HOMER2: variants seen among roughly 807,000 people sequenced by gnomAD.
HOMER2 encodes the protein homer protein homolog 2.
HOMER2 carries 27 observed loss-of-function variants against 47.0 expected under a neutral mutation model. The ratio of observed to expected loss-of-function variants is 0.57; its 90% CI spans 0.42 to 0.79. HOMER2 has a LOEUF of 0.79. HOMER2 is among the 30% of genes least tolerant of loss of function. HOMER2 has a pLI of 0.00. For missense variants in HOMER2, 443 were observed against 435.0 expected, an observed-to-expected ratio of 1.02 and a Z score of -0.16; for synonymous variants, 161 against 163.8, an observed-to-expected ratio of 0.98 and a Z score of 0.13.
At chr15:82,841,242 A>G (rs1308102593) in exon 2 of HOMER2, 2 of 152,210 alleles carry the variant, frequency 1.3e-5, no homozygotes, top group African/African-American at 4.8e-5. Context: ...TATTAAAAGA[A>G]TAGTATACTA....
intron 1 of HOMER2, among the ~76,000 whole-genome samples, chr15:82,931,654 C>T (rs1213038817): frequency 5.3e-5 from 8 of 151,480 alleles, no homozygotes; most frequent in Non-Finnish European, 1.0e-4. Context: ...CTGGCTAACA[C>T]GGTGAAACCC....
chr15:82,977,519 A>C (rs573130078), intron 1 of HOMER2, among the ~76,000 whole-genome samples: 1 of 152,000 alleles, frequency 6.6e-6, no homozygotes, highest in East Asian at 2.0e-4. Context: ...CAGAGCCTCA[A>C]ATCAGTTTTA....
At chr15:82,951,800 C>G (rs2054511270) in intron 1 of HOMER2, among the ~76,000 whole-genome samples, 1 of 152,246 alleles carries the variant, frequency 6.6e-6, no homozygotes, top group Admixed American at 6.5e-5. Context: ...GGCAAACCGT[C>G]AACGTGTGCC....
At chr15:82,890,870 C>T (rs1005496697) in intron 2 of HOMER2, among the ~76,000 whole-genome samples, 8 of 152,160 alleles carry the variant, frequency 5.3e-5, no homozygotes, top group African/African-American at 1.9e-4. Flanking sequence ...AGAGTCCAGG[C>T]AATTCCAGCG....
At chr15:82,938,201 G>A (rs1030237740) in intron 1 of HOMER2, among the ~76,000 whole-genome samples, 25 of 152,176 alleles carry the variant, frequency 1.6e-4, no homozygotes, top group African/African-American at 4.3e-4. Flanking sequence ...GCGAAACCCC[G>A]TCTCTACTGA....
downstream of HOMER2, among the ~76,000 whole-genome samples, chr15:82,848,367 G>A (rs1490571023): frequency 1.3e-5 from 2 of 152,178 alleles, no homozygotes; most frequent in African/African-American, 4.8e-5. Flanking sequence ...CCTCCCCCCT[G>A]CTCAAGGCAT....
At chr15:82,957,246 T>C (rs2054594943), upstream of HOMER2, among the ~76,000 whole-genome samples, 1 of 150,354 alleles carries the variant, frequency 6.7e-6, no homozygotes, top group Non-Finnish European at 1.5e-5. Flanking sequence ...GTCACTGCAC[T>C]CTAGCACGGG....
At chr15:82,939,395 G>A (rs911305782) in intron 1 of HOMER2, among the ~76,000 whole-genome samples, 7 of 152,280 alleles carry the variant, frequency 4.6e-5, no homozygotes, top group South Asian at 2.1e-4. Context: ...GGCCGGGCAC[G>A]GTGGCTCACG....
chr15:82,868,542 T>TATATATATATATATATATATA (rs370867216), intron 3 of HOMER2, among the ~76,000 whole-genome samples: 11 of 42,670 alleles, frequency 2.6e-4, no homozygotes, highest in Non-Finnish European at 3.0e-4. Context: ...TATATATATA[T>TATATATATATATATATATATA]TTTTTTTTTT....
At chr15:82,916,252 T>A (rs1383144553) in intron 1 of HOMER2, among the ~76,000 whole-genome samples, 3 of 152,376 alleles carry the variant, frequency 2.0e-5, no homozygotes, top group Admixed American at 6.5e-5. Flanking sequence ...AGCACCATCC[T>A]CTGCTCCCAT....
intron 1 of HOMER2, among the ~76,000 whole-genome samples, chr15:82,961,848 C>G (rs549911672): frequency 6.6e-6 from 1 of 152,238 alleles, no homozygotes; most frequent in South Asian, 2.1e-4. Flanking sequence ...ACTGCAACCT[C>G]TGCCTCCCTG....
At chr15:82,978,073 C>G (rs1481315997) in intron 1 of HOMER2, among the ~76,000 whole-genome samples, 1 of 152,140 alleles carries the variant, frequency 6.6e-6, no homozygotes. Context: ...TCGCTTGAAC[C>G]CGGGAGGCAG....
intron 1 of HOMER2, among the ~76,000 whole-genome samples, chr15:82,898,142 A>T (rs1254647952): frequency 1.3e-5 from 2 of 152,224 alleles, no homozygotes. Context: ...AACAAATCTT[A>T]ACACCTTTAT....
At chr15:82,889,101 C>A (rs1392590246) in intron 2 of HOMER2, among the ~76,000 whole-genome samples, 1 of 152,198 alleles carries the variant, frequency 6.6e-6, no homozygotes, top group East Asian at 1.9e-4. Context: ...AGGACTCAGG[C>A]ACTAGACCTG....
rs148037897 is a variant in HOMER2 at position 82,901,307 on chromosome 15, T to TG, written c.6-8467dup. ...TGGAAAACAAATACAGGCAAAGGGG[T>TG]GCAGAGGAGGAGGTAAGGCTTCTCT... On this transcript the variant is annotated intron_variant, in intron 1 of 8. Coordinates refer to ENST00000450735, the MANE Select transcript of HOMER2 (RefSeq NM_004839.4). Among the ~76,000 whole-genome samples, 3 of 151,818 alleles carry TG rather than the reference T, an allele frequency of 2.0e-5. No homozygotes were observed. The East Asian group carries it at 5.8e-4, about 29-fold the overall frequency.
In HOMER2 at chr15:82,854,685, A is replaced by G; in HGVS notation, c.610T>C (p.Phe204Leu). ...TCATTCTCATCACGGCAGATGGAGA[A>G]CTGCCTCTTCCACTGCTCCACACTG... is the stretch of plus-strand genomic sequence containing the variant. ...AASVEQWKRQFSICRDENDRL... is the reference protein window; with the variant it reads ...AASVEQWKRQLSICRDENDRL... The change falls in exon 6 of 9, where the codon TTC becomes CTC. Residue 204 changes from phenylalanine to leucine, a missense_variant. By Grantham distance (22) the Phe-to-Leu change is conservative. Coordinates refer to ENST00000450735, the MANE Select transcript of HOMER2 (RefSeq NM_004839.4). The G allele has an allele frequency of 6.2e-7, 1 of 1,613,142 alleles. No homozygotes were observed. Among genetic ancestry groups the G allele is most frequent in the Non-Finnish European group, 8.5e-7 (1 of 1,179,856 alleles).
intron 1 of HOMER2, among the ~76,000 whole-genome samples, chr15:82,980,488 G>A (rs2030355812): frequency 6.6e-6 from 1 of 152,260 alleles, no homozygotes; most frequent in Middle Eastern, 3.4e-3. Context: ...TTCTGCCTCT[G>A]ACCACCCTGG....
downstream of HOMER2, chr15:82,958,030 G>T (rs1404966578): frequency 6.6e-6 from 1 of 152,096 alleles, no homozygotes; most frequent in Non-Finnish European, 1.5e-5. Flanking sequence ...GTAGAGACGG[G>T]GTTTCACCAT....
At position 82,859,092 on chromosome 15, in the gene HOMER2, G is replaced by C; in HGVS notation, c.431C>G (p.Ala144Gly). 3.1e-6 allele frequency: 5 copies of C among 1,613,994 alleles called. No individual in the cohort carries two copies. The highest frequency in any genetic ancestry group is 4.2e-6 in the Non-Finnish European group (5 of 1,179,876). Residue 144 changes from alanine (A) to glycine (G), a missense_variant, in exon 5 of 9, where the codon GCC (alanine) becomes GGC (glycine). Transcript: ENST00000450735. The stretch of plus-strand genomic sequence containing the variant: ...CTTCAGGTGTGTGTTGGCTGGACCG[G>C]CGTGAGAGGCCTTTTCATCGTCCGT... ...NGTDDEKASH[A>G]GPANTHLKSE...
Sources: allele counts gnomAD v4.1 joint callset (sites outside exome capture counted in the v4.1 genomes callset), GRCh38; gene constraint gnomAD v4.1.1; transcripts MANE v1.5; gene names NCBI Gene and HGNC (gene_info 2026-07-23, HGNC 2026-07-21).